CTSC: variants seen among roughly 807,000 people sequenced by gnomAD.
CTSC encodes the protein dipeptidyl peptidase 1.
In CTSC, 37 loss-of-function variants were observed where a neutral mutation model predicts 40.9. That is an observed-to-expected ratio of 0.91 (90% confidence interval 0.70 to 1.19). The LOEUF (loss-of-function observed/expected upper bound fraction) is 1.19, where lower values mean the gene tolerates loss of function less well. Among genes scored for constraint, CTSC ranks in the 50% most tolerant of loss-of-function variants. CTSC has a pLI of 0.00. For missense variants in CTSC, 594 were observed against 567.3 expected (o/e 1.05, Z -0.48); for synonymous variants, 232 against 207.4 (o/e 1.12, Z -1.02).
chr11:88,312,598 T>C, intron 2 of CTSC, 44 bp from the exon 3 acceptor site: 2 of 1,610,180 alleles, frequency 1.2e-6, no homozygotes, highest in South Asian at 2.2e-5. Context: ...AAATCTGTCT[T>C]CAAATTTCAG....
rs77790661 is a variant in CTSC at position 88,295,291 on chromosome 11, A to C, written c.890-783T>G. On this transcript the variant is annotated intron_variant, in intron 6 of 6. Coordinates refer to ENST00000227266, the MANE Select transcript of CTSC (RefSeq NM_001814.6). ...GGCCAAATCTGGGCTTGAAAGCATA[A>C]ACTTTAAAATGGTAACGTTTCTCCC... Among the ~76,000 whole-genome samples, 1,265 of 152,288 alleles carry C rather than the reference A, an allele frequency of 8.3e-3. 15 individuals are homozygous for C. The highest frequency in any genetic ancestry group is 0.029 in the African/African-American group (1,188 of 41,540).
intron 2 of CTSC, among the ~76,000 whole-genome samples, chr11:88,330,520 T>C (rs1938320847): frequency 6.6e-6 from 1 of 152,036 alleles, no homozygotes; most frequent in Non-Finnish European, 1.5e-5. Flanking sequence ...AGCTAATTTT[T>C]GTATTTTTAG....
intron 6 of CTSC, 108 bp downstream of exon 6, chr11:88,296,025 T>C (rs1237563943): frequency 1.7e-6 from 2 of 1,187,752 alleles, no homozygotes; most frequent in Non-Finnish European, 2.5e-6. Context: ...ATTTTCTGAC[T>C]ATAGACACTG....
chr11:88,333,868 C>A (rs550999007), intron 2 of CTSC, among the ~76,000 whole-genome samples: 3 of 151,442 alleles, frequency 2.0e-5, no homozygotes, highest in Non-Finnish European at 4.4e-5. Flanking sequence ...GAAAGGCAAC[C>A]TCTTCCTCTC....
At chr11:88,307,585 G>T in intron 4 of CTSC, among the ~76,000 whole-genome samples, 1 of 129,556 alleles carries the variant, frequency 7.7e-6, no homozygotes. Context: ...TTTTTTGCTG[G>T]ACATCAAAGC....
chr11:88,327,453 C>G (rs567105085), intron 2 of CTSC, among the ~76,000 whole-genome samples: 1 of 152,096 alleles, frequency 6.6e-6, no homozygotes, highest in Non-Finnish European at 1.5e-5. Context: ...ATTTTACTCT[C>G]TAATCACCTA....
intron 2 of CTSC, among the ~76,000 whole-genome samples, chr11:88,331,081 C>T (rs1163257203): frequency 6.6e-6 from 1 of 152,216 alleles, no homozygotes; most frequent in Non-Finnish European, 1.5e-5. Flanking sequence ...TTCCTATTCT[C>T]AGTCAGCAAC....
At chr11:88,334,857 A>T in intron 2 of CTSC, 80 bp downstream of exon 2, 1 of 1,044,422 alleles carries the variant, frequency 9.6e-7, no homozygotes, top group Non-Finnish European at 1.5e-6. Context: ...TAAAATTAAA[A>T]TTCTGAGGGT....
rs190473298 is a variant in CTSC, at chr11:88,324,714, G to A, written c.318+10223C>T. On this transcript the variant is annotated intron_variant, in intron 2 of 6. Transcript: ENST00000227266. ...ATGGCATGAAAGCAGAGGTACCTGC[G>A]ATATGCAATGGGAACCAAAGTTCTG... is the stretch of plus-strand genomic sequence containing the variant. The A allele has an allele frequency of 6.7e-4, 661 of 985,304 alleles. 4 individuals carry two copies. The African/African-American group carries it at 0.011, about 16-fold the overall frequency. The allele number at this position is 985,304 out of a possible 1,614,324, so 61.0% of individuals were successfully genotyped here. A position where few individuals can be genotyped will look rare whatever the true frequency, so the allele number is the denominator to read the frequency against.
chr11:88,302,406 G>A (rs1427976380), intron 4 of CTSC, among the ~76,000 whole-genome samples: 5 of 152,026 alleles, frequency 3.3e-5, no homozygotes, highest in African/African-American at 1.2e-4. Context: ...GGCGGATCAC[G>A]AGGTCAGGAG....
chr11:88,300,500 T>C, intron 5 of CTSC, 30 bp downstream of exon 5: 1 of 1,378,084 alleles, frequency 7.3e-7, no homozygotes, highest in Non-Finnish European at 1.0e-6. Flanking sequence ...TCCAAACAAA[T>C]TAACAAAAAA....
At position 88,309,812 on chromosome 11, in the gene CTSC, GCGCACACACACACA is replaced by G. The variant is rs1181731694; in HGVS notation, c.486-508_486-495del. Among the ~76,000 whole-genome samples, 274 of 108,058 alleles carry G rather than the reference GCGCACACACACACA, an allele frequency of 2.5e-3. 2 individuals carry two copies. The highest frequency in any genetic ancestry group is 8.5e-3 in the African/African-American group (274 of 32,108). The allele number at this position is 108,058 out of a possible 152,430, so 70.9% of individuals were successfully genotyped here. On this transcript the variant is annotated intron_variant, in intron 3 of 6. Transcript: ENST00000227266. ...ATAATACATACATATATATGTATGC[GCGCACACACACACA>G]CACACACACACACACACACACACTA... is the stretch of plus-strand genomic sequence containing the variant.
intron 2 of CTSC, chr11:88,328,254 G>A: frequency 8.2e-7 from 1 of 1,215,042 alleles, no homozygotes. Flanking sequence ...GCATCATCAT[G>A]AAAGAAGACA....
intron 6 of CTSC, 85 bp from the exon 7 acceptor site, chr11:88,294,593 C>CT: frequency 1.4e-6 from 2 of 1,468,124 alleles, no homozygotes; most frequent in Non-Finnish European, 1.9e-6. Context: ...CTCCATTATT[C>CT]TTTGCATGTT....
chr11:88,300,916 T>G (rs1384018205), intron 4 of CTSC, among the ~76,000 whole-genome samples: 1 of 152,140 alleles, frequency 6.6e-6, no homozygotes, highest in Admixed American at 6.5e-5. Context: ...GTGATGTTAT[T>G]TTTAGTTTGC....
At chr11:88,335,152 A>G (rs1591247275) in intron 1 of CTSC, 70 bp from the exon 2 acceptor site, 3 of 1,049,816 alleles carry the variant, frequency 2.9e-6, no homozygotes, top group East Asian at 2.4e-5. Context: ...GAATCCCCCA[A>G]TTTCAATTTT....
At chr11:88,312,613 A>G in intron 2 of CTSC, 59 bp from the exon 3 acceptor site, 6 of 1,589,384 alleles carry the variant, frequency 3.8e-6, no homozygotes, top group Non-Finnish European at 5.2e-6. Context: ...TTTCAGGTCC[A>G]TTTCCATGGC....
intron 5 of CTSC, chr11:88,297,535 C>T (rs1944312116): frequency 6.6e-6 from 1 of 152,166 alleles, no homozygotes; most frequent in African/African-American, 2.4e-5. Flanking sequence ...CCCTTTCTGA[C>T]CACCCAGCTT....
At chr11:88,315,331 A>G (rs1284029900) in intron 2 of CTSC, among the ~76,000 whole-genome samples, 1 of 152,186 alleles carries the variant, frequency 6.6e-6, no homozygotes, top group Non-Finnish European at 1.5e-5. Flanking sequence ...GAAGACATTC[A>G]CTGCAGTATA....
Sources: allele counts gnomAD v4.1 joint callset (sites outside exome capture counted in the v4.1 genomes callset), GRCh38; gene constraint gnomAD v4.1.1; transcripts MANE v1.5; gene names NCBI Gene and HGNC (gene_info 2026-07-23, HGNC 2026-07-21).